TMEM120B: variants seen among roughly 807,000 people sequenced by gnomAD.
The protein encoded by TMEM120B is transmembrane protein 120B.
A neutral mutation model predicts 55.5 loss-of-function variants in TMEM120B; 31 were observed. That is an observed-to-expected ratio of 0.56 (90% CI 0.42 to 0.75). TMEM120B has a LOEUF of 0.75. TMEM120B is among the 30% of genes least tolerant of loss of function. The pLI is 0.00. For missense variants in TMEM120B, 399 were observed against 425.5 expected (o/e 0.94, Z 0.55); for synonymous variants, 203 against 176.3 (o/e 1.15, Z -1.20).
At chr12:121,734,215 G>A (rs1895060320) in intron 1 of TMEM120B, among the ~76,000 whole-genome samples, 1 of 151,028 alleles carries the variant, frequency 6.6e-6, no homozygotes, top group Non-Finnish European at 1.5e-5. Context: ...GAGTGGCGAG[G>A]GGTAACTCAC....
Position 121,733,901 on chromosome 12 carries a change from A to T in TMEM120B, c.70-9728A>T, listed in dbSNP as rs553027635. Among the ~76,000 whole-genome samples the T allele has an allele frequency of 2.0e-5, 3 of 152,242 alleles. No homozygotes were observed. In the South Asian group the frequency reaches 6.2e-4, roughly 32 times the overall value. ...ATTGAGTGAGAAAAGCAAGTTATGG[A>T]ATCTAATGTATATTCTGATACTGTT... On this transcript the variant is annotated intron_variant, in intron 1 of 11. Transcript: ENST00000449592.
intron 5 of TMEM120B, chr12:121,759,034 A>T: frequency 3.0e-6 from 3 of 985,270 alleles, no homozygotes; most frequent in Non-Finnish European, 3.6e-6. Context: ...TTATATATGT[A>T]ACAAAGTTTA....
At chr12:121,740,069 G>A (rs913535538) in intron 1 of TMEM120B, among the ~76,000 whole-genome samples, 9 of 152,050 alleles carry the variant, frequency 5.9e-5, no homozygotes, top group Non-Finnish European at 8.8e-5. Flanking sequence ...GTGAGCCAAC[G>A]CGCCCGGCGA....
chr12:121,767,707 G>A (rs1873894754), intron 6 of TMEM120B, among the ~76,000 whole-genome samples: 1 of 152,216 alleles, frequency 6.6e-6, no homozygotes, highest in African/African-American at 2.4e-5. Context: ...GAGCCCCGGG[G>A]TGTGCAGATG....
intron 5 of TMEM120B, among the ~76,000 whole-genome samples, chr12:121,752,637 C>T (rs1873365890): frequency 6.6e-6 from 1 of 151,988 alleles, no homozygotes; most frequent in African/African-American, 2.4e-5. Context: ...TCTTTAGTCC[C>T]AGCTACTCGG....
chr12:121,743,587 A>G, intron 1 of TMEM120B, 42 bp from the exon 2 acceptor site: 3 of 1,468,428 alleles, frequency 2.0e-6, no homozygotes. Context: ...TGAGCTGTTC[A>G]TATTCTCCCA....
intron 5 of TMEM120B, 36 bp from the exon 6 acceptor site, chr12:121,761,613 G>T: frequency 6.4e-7 from 1 of 1,554,226 alleles, no homozygotes; most frequent in Non-Finnish European, 8.9e-7. Flanking sequence ...TGGTTCTCAC[G>T]CCCGCACCCC....
Position 121,776,464 on chromosome 12 carries a change from A to AGGGGCCCCTGTGG in TMEM120B, c.*742_*743insGGGGCCCCTGTGG. The stretch of plus-strand genomic sequence containing the variant: ...TGGCAGGTACTTGGAGAGTGGGACC[A>AGGGGCCCCTGTGG]AGACCCTTGGCCCCTGTGGAGGGGA... On this transcript the variant is annotated 3_prime_UTR_variant, in exon 12 of 12. Coordinates refer to ENST00000449592, the MANE Select transcript of TMEM120B (RefSeq NM_001080825.2). 1 of 152,388 alleles carries AGGGGCCCCTGTGG rather than the reference A, an allele frequency of 6.6e-6. No individual in the cohort carries two copies. Among genetic ancestry groups the AGGGGCCCCTGTGG allele is most frequent in the East Asian group, 1.9e-4 (1 of 5,174 alleles). 9.4% of individuals were successfully genotyped at this position (152,388 alleles called of 1,614,324 possible). A position where few individuals can be genotyped will look rare whatever the true frequency, so the allele number is the denominator to read the frequency against.
intron 5 of TMEM120B, 30 bp from the exon 6 acceptor site, chr12:121,761,619 A>C: frequency 6.3e-7 from 1 of 1,583,856 alleles, no homozygotes; most frequent in African/African-American, 1.3e-5. Context: ...TCACGCCCGC[A>C]CCCCTCCCGG....
At chr12:121,757,139 G>GT (rs1293501989) in intron 5 of TMEM120B, among the ~76,000 whole-genome samples, 1 of 80,612 alleles carries the variant, frequency 1.2e-5, no homozygotes, top group Non-Finnish European at 2.8e-5. Context: ...TCCCTGGGCG[G>GT]TGGGGGGGGG....
intron 1 of TMEM120B, among the ~76,000 whole-genome samples, chr12:121,716,433 A>G (rs1894704662): frequency 1.3e-5 from 2 of 151,882 alleles, no homozygotes; most frequent in South Asian, 2.1e-4. Flanking sequence ...ATCCTGGTCT[A>G]TTTTAATTTT....
intron 1 of TMEM120B, among the ~76,000 whole-genome samples, chr12:121,714,948 G>A (rs887499713): frequency 6.6e-6 from 1 of 152,106 alleles, no homozygotes; most frequent in Non-Finnish European, 1.5e-5. Context: ...GGGAATGGGA[G>A]AAGAGAAGAG....
At chr12:121,738,016 A>C (rs1462476666) in intron 1 of TMEM120B, among the ~76,000 whole-genome samples, 4 of 151,214 alleles carry the variant, frequency 2.6e-5, no homozygotes, top group African/African-American at 9.7e-5. Context: ...TCTCCACAAA[A>C]AAAAAAAAAA....
chr12:121,720,330 G>A (rs749469968), intron 1 of TMEM120B, among the ~76,000 whole-genome samples: 4 of 152,184 alleles, frequency 2.6e-5, no homozygotes, highest in African/African-American at 9.7e-5. Flanking sequence ...AGTCATCCTT[G>A]GTGGTGTTTC....
At chr12:121,730,063 A>G (rs1894968010) in intron 1 of TMEM120B, among the ~76,000 whole-genome samples, 1 of 151,800 alleles carries the variant, frequency 6.6e-6, no homozygotes, top group African/African-American at 2.4e-5. Flanking sequence ...GATCGATACC[A>G]TCCTGGCCAA....
intron 1 of TMEM120B, among the ~76,000 whole-genome samples, chr12:121,742,366 C>G (rs1452246832): frequency 6.6e-6 from 1 of 152,116 alleles, no homozygotes; most frequent in African/African-American, 2.4e-5. Context: ...TCTGTGCTCA[C>G]TGTTGGACCA....
chr12:121,749,221 A>G (rs77240697), intron 3 of TMEM120B, among the ~76,000 whole-genome samples: 13,293 of 152,222 alleles, frequency 0.087, 1,053 homozygotes, highest in African/African-American at 0.21. Flanking sequence ...ACTGTGTTCG[A>G]ATAGACCCCA....
intron 6 of TMEM120B, among the ~76,000 whole-genome samples, chr12:121,769,788 G>A (rs1205432032): frequency 1.3e-5 from 2 of 151,950 alleles, no homozygotes; most frequent in Non-Finnish European, 2.9e-5. Flanking sequence ...GGAACCCAGG[G>A]TCACAGATAG....
chr12:121,775,583 T>TCGC lies in TMEM120B; in HGVS notation c.907-24_907-22dup. ...GTTCAGCAGGGCAGATGCCCCAGCC[T>TCGC]CGCCCTCCTCTCTGGACTCCCCCAG... is the stretch of plus-strand genomic sequence containing the variant. On this transcript the variant is annotated intron_variant, in intron 11 of 11. Transcript: ENST00000449592. This position sits in a 1 kb window ranked among gnomAD's most constrained non-coding sequence, Gnocchi z 4.3. The TCGC allele has an allele frequency of 6.2e-7, 1 of 1,602,742 alleles. No individual in the cohort carries two copies. The highest frequency in any genetic ancestry group is 8.5e-7 in the Non-Finnish European group (1 of 1,172,808).
Sources: allele counts gnomAD v4.1 joint callset (sites outside exome capture counted in the v4.1 genomes callset), GRCh38; gene constraint gnomAD v4.1.1; non-coding constraint Gnocchi (gnomAD v3.1); transcripts MANE v1.5; gene names NCBI Gene and HGNC (gene_info 2026-07-23, HGNC 2026-07-21).